The following MAP7 variants were observed in gnomAD, a reference collection of about 807,000 sequenced individuals.
The protein encoded by MAP7 is microtubule associated protein 7.
A neutral mutation model predicts 94.8 loss-of-function variants in MAP7; 52 were observed. The ratio of observed to expected loss-of-function variants is 0.55; its 90% CI spans 0.44 to 0.69. MAP7 has a LOEUF of 0.69. MAP7 is among the 30% of genes least tolerant of loss of function. MAP7 has a pLI of 0.00. For missense variants in MAP7, 940 were observed against 964.6 expected, an observed-to-expected ratio of 0.97 and a Z score of 0.34; for synonymous variants, 350 against 357.0, an observed-to-expected ratio of 0.98 and a Z score of 0.22.
intron 1 of MAP7, among the ~76,000 whole-genome samples, chr6:136,491,530 A>T (rs1196691303): frequency 6.6e-6 from 1 of 152,228 alleles, no homozygotes; most frequent in African/African-American, 2.4e-5. Context: ...TTACTCACAC[A>T]GCAGCAGAGA....
At chr6:136,536,354 G>A (rs1828887188) in intron 1 of MAP7, among the ~76,000 whole-genome samples, 1 of 151,998 alleles carries the variant, frequency 6.6e-6, no homozygotes, top group East Asian at 1.9e-4. Context: ...AGATTAACAG[G>A]TTGGTAAGCA....
At chr6:136,453,582 T>C (rs144192172) in intron 1 of MAP7, among the ~76,000 whole-genome samples, 56 of 152,338 alleles carry the variant, frequency 3.7e-4, no homozygotes, top group East Asian at 3.3e-3. Flanking sequence ...GAGGAGCTTT[T>C]CTCATCATTA....
chr6:136,534,911 G>A (rs1383701764), intron 1 of MAP7, among the ~76,000 whole-genome samples: 1 of 152,088 alleles, frequency 6.6e-6, no homozygotes, highest in East Asian at 1.9e-4. Context: ...TTCTCAATCA[G>A]TAGAAACTAA....
rs765892454 is a variant in MAP7, at chr6:136,342,768, T to C, written c.*1460A>G. On this transcript the variant is annotated 3_prime_UTR_variant, in exon 18 of 18. Transcript: ENST00000354570. ...GTCAAACATTTTATTTGGTGTTTCA[T>C]GCTATGTTGATTTAAACAAATTAAA... 1.3e-5 allele frequency: 2 copies of C among 152,238 alleles called. No individual in the cohort carries two copies. The highest frequency in any genetic ancestry group is 2.9e-5 in the Non-Finnish European group (2 of 68,040). The allele number at this position is 152,238 out of a possible 1,614,324, so 9.4% of individuals were successfully genotyped here.
chr6:136,540,691 C>G (rs140761435), intron 1 of MAP7, among the ~76,000 whole-genome samples: 32 of 152,286 alleles, frequency 2.1e-4, no homozygotes, highest in African/African-American at 7.2e-4. Context: ...ACACCACACA[C>G]CACAATAGTC....
chr6:136,473,326 C>A (rs1809688221), intron 1 of MAP7, among the ~76,000 whole-genome samples: 1 of 152,206 alleles, frequency 6.6e-6, no homozygotes, highest in Non-Finnish European at 1.5e-5. Flanking sequence ...AAGAAACACC[C>A]TAAACTGCAA....
At chr6:136,367,131 T>C (rs533444796) in intron 8 of MAP7, among the ~76,000 whole-genome samples, 5 of 152,338 alleles carry the variant, frequency 3.3e-5, no homozygotes, top group Admixed American at 3.3e-4. Flanking sequence ...CCCTCCCTGA[T>C]TGCCAACTAG....
At chr6:136,377,300 T>C (rs1776455767) in intron 7 of MAP7, among the ~76,000 whole-genome samples, 1 of 152,198 alleles carries the variant, frequency 6.6e-6, no homozygotes, top group Non-Finnish European at 1.5e-5. Flanking sequence ...TATAAAAGAA[T>C]GGCACAGGGA....
chr6:136,505,083 T>C (rs1820968702), intron 1 of MAP7, among the ~76,000 whole-genome samples: 1 of 151,892 alleles, frequency 6.6e-6, no homozygotes, highest in South Asian at 2.1e-4. Context: ...TTTGCAAACA[T>C]TGTAACTCCC....
chr6:136,494,275 G>A (rs1817558374), intron 1 of MAP7, among the ~76,000 whole-genome samples: 1 of 152,194 alleles, frequency 6.6e-6, no homozygotes, highest in African/African-American at 2.4e-5. Context: ...ATATGCAGTA[G>A]CTAAATTAGA....
intron 1 of MAP7, among the ~76,000 whole-genome samples, chr6:136,423,365 C>T (rs1284587669): frequency 6.6e-6 from 1 of 152,176 alleles, no homozygotes; most frequent in East Asian, 1.9e-4. Context: ...AGTTCATTGC[C>T]TGGCCCACAG....
At chr6:136,381,063 G>A (rs375172729) in intron 6 of MAP7, among the ~76,000 whole-genome samples, 1 of 152,128 alleles carries the variant, frequency 6.6e-6, no homozygotes. Flanking sequence ...TGTCTATAAG[G>A]TCCTCTAATT....
chr6:136,511,904 A>G (rs1441944410), intron 1 of MAP7, among the ~76,000 whole-genome samples: 1 of 152,228 alleles, frequency 6.6e-6, no homozygotes, highest in Non-Finnish European at 1.5e-5. Flanking sequence ...CTGGCAGTTC[A>G]AGGAAAAATG....
intron 16 of MAP7, among the ~76,000 whole-genome samples, chr6:136,355,763 TAA>T (rs949586457): frequency 6.6e-6 from 1 of 152,228 alleles, no homozygotes; most frequent in Non-Finnish European, 1.5e-5. Flanking sequence ...TTCCCAAATT[TAA>T]AAAGTCATAG....
chr6:136,423,660 G>A, intron 1 of MAP7, among the ~76,000 whole-genome samples: 1 of 150,876 alleles, frequency 6.6e-6, no homozygotes, highest in Non-Finnish European at 1.5e-5. Context: ...CTGATTCAGG[G>A]TTTGGGGGAG....
chr6:136,434,680 C>A (rs1026334883), intron 1 of MAP7, among the ~76,000 whole-genome samples: 1 of 151,508 alleles, frequency 6.6e-6, no homozygotes, highest in South Asian at 2.1e-4. Flanking sequence ...ATTTTGGAAC[C>A]TATTGAACAT....
intron 3 of MAP7, among the ~76,000 whole-genome samples, chr6:136,396,828 T>C (rs1449346844): frequency 6.6e-6 from 1 of 152,238 alleles, no homozygotes; most frequent in Non-Finnish European, 1.5e-5. Flanking sequence ...TAGAATACTT[T>C]TCTGCAATGT....
Position 136,346,053 on chromosome 6 carries a change from TTTGG to T in MAP7, c.2038_2041del (p.Pro680MetfsTer16). ...ATTCTGAACAGATACACCATTTTCA[TTTGG>T]TTGTTTTTCCAAATCGGGAGTGCTA... On this transcript the variant is annotated frameshift_variant, in exon 17 of 18. Transcript: ENST00000354570. LOFTEE classifies it high-confidence loss of function. The T allele has an allele frequency of 6.2e-7, 1 of 1,612,362 alleles. No homozygotes were observed. The highest frequency in any genetic ancestry group is 8.5e-7 in the Non-Finnish European group (1 of 1,178,992).
intron 1 of MAP7, among the ~76,000 whole-genome samples, chr6:136,471,450 G>A (rs535123916): frequency 1.3e-5 from 2 of 152,216 alleles, no homozygotes; most frequent in South Asian, 2.1e-4. Context: ...TCTGGCACTC[G>A]GGTTTTACTT....
Sources: allele counts gnomAD v4.1 joint callset (sites outside exome capture counted in the v4.1 genomes callset), GRCh38; gene constraint gnomAD v4.1.1; transcripts MANE v1.5; gene names NCBI Gene and HGNC (gene_info 2026-07-23, HGNC 2026-07-21).